Variants in JAM2 observed in about 807,000 individuals in gnomAD.
JAM2 encodes junctional adhesion molecule 2, also known as junctional adhesion molecule B.
A neutral mutation model predicts 42.0 loss-of-function variants in JAM2; 17 were observed. The ratio of observed to expected loss-of-function variants is 0.40; its 90% CI spans 0.28 to 0.61. The LOEUF (loss-of-function observed/expected upper bound fraction) is 0.61, where lower values mean the gene tolerates loss of function less well. JAM2 is among the 20% of genes least tolerant of loss of function. The pLI is 0.37. For synonymous variants in JAM2, 118 were observed against 128.6 expected (o/e 0.92, Z 0.56); for missense variants, 319 against 358.3 (o/e 0.89, Z 0.89).
chr21:25,685,457 T>A (rs956947778), intron 2 of JAM2, among the ~76,000 whole-genome samples: 1 of 139,570 alleles, frequency 7.2e-6, no homozygotes, highest in African/African-American at 2.8e-5. Context: ...TGCAGGAGTT[T>A]GAGGCTGCAG....
Position 25,693,825 on chromosome 21 carries a change from C to T in JAM2, c.311C>T (p.Ala104Val), listed in dbSNP as rs369585750. Residue 104 changes from alanine to valine, a missense_variant, in exon 4 of 10, where the codon GCG (alanine) becomes GTG (valine). Physicochemically the swap from Ala to Val is moderately conservative, Grantham distance 64. Coordinates refer to ENST00000480456, the MANE Select transcript of JAM2 (RefSeq NM_021219.4). ...IRIKNVTRSD[A>V]GKYRCEVSAP... ...ATCAAAAATGTGACAAGAAGTGATG[C>T]GGGGAAATATCGTTGTGAAGTTAGT... The T allele has an allele frequency of 5.9e-5, 95 of 1,613,808 alleles. No individual in the cohort carries two copies. The highest frequency in any genetic ancestry group is 4.1e-4 in the African/African-American group (31 of 74,990).
rs35684752 is a variant in JAM2, at chr21:25,666,315, T to TTTATTATTATTATTATTATTATTATTA, written c.68-17542_68-17541insATTATTATTATTATTATTATTATTATT. ...TTTTAAAAATTACATTGTTACGGCT[T>TTTATTATTATTATTATTATTATTATTA]TTATTATTATTATTATTATTATTAT... On this transcript the variant is annotated intron_variant, in intron 1 of 9. Coordinates refer to ENST00000480456, the MANE Select transcript of JAM2 (RefSeq NM_021219.4). 6.9e-3 allele frequency among the ~76,000 whole-genome samples: 1,017 copies of TTTATTATTATTATTATTATTATTATTA among 146,594 alleles called. 5 individuals carry two copies. Among genetic ancestry groups the TTTATTATTATTATTATTATTATTATTA allele is most frequent in the South Asian group, 0.014 (63 of 4,560 alleles).
At chr21:25,654,794 T>C (rs2032884549) in intron 1 of JAM2, among the ~76,000 whole-genome samples, 1 of 152,086 alleles carries the variant, frequency 6.6e-6, no homozygotes, top group South Asian at 2.1e-4. Flanking sequence ...GATGCACAAA[T>C]TAAATGACAC....
rs756478013 is a variant in JAM2, at chr21:25,714,706, T to C, written c.*34T>C. The C allele has an allele frequency of 7.2e-7, 1 of 1,387,036 alleles. No homozygotes were observed. Among genetic ancestry groups the C allele is most frequent in the Non-Finnish European group, 9.7e-7 (1 of 1,027,058 alleles). The allele number at this position is 1,387,036 out of a possible 1,614,324, so 85.9% of individuals were successfully genotyped here. ...CTTTAGAGATACACCAAAGCCACCG[T>C]TGTTACACAAGTTATTAAACTATTA... On this transcript the variant is annotated 3_prime_UTR_variant, in exon 10 of 10. Coordinates refer to ENST00000480456, the MANE Select transcript of JAM2 (RefSeq NM_021219.4).
intron 1 of JAM2, among the ~76,000 whole-genome samples, chr21:25,644,753 A>C (rs1416630801): frequency 1.3e-5 from 2 of 152,256 alleles, no homozygotes; most frequent in African/African-American, 4.8e-5. Flanking sequence ...GGTTATGCAC[A>C]GCGACAGTGT....
intron 2 of JAM2, among the ~76,000 whole-genome samples, chr21:25,685,084 C>T (rs2033720001): frequency 1.3e-5 from 2 of 152,032 alleles, no homozygotes; most frequent in South Asian, 4.1e-4. Flanking sequence ...TCAGGTATGT[C>T]TTAGGTTCCT....
At chr21:25,651,588 T>C (rs1033314467) in intron 1 of JAM2, among the ~76,000 whole-genome samples, 3 of 152,220 alleles carry the variant, frequency 2.0e-5, no homozygotes, top group African/African-American at 7.2e-5. Flanking sequence ...AAATTCTATA[T>C]TTGCCCTTTG....
chr21:25,696,191 G>C (rs899205187), intron 4 of JAM2, among the ~76,000 whole-genome samples: 77 of 152,342 alleles, frequency 5.1e-4, no homozygotes, highest in Non-Finnish European at 1.8e-4. Context: ...CTGGAGACCA[G>C]CCTGGCCAAC....
intron 1 of JAM2, among the ~76,000 whole-genome samples, chr21:25,659,460 T>G (rs1179054301): frequency 6.6e-6 from 1 of 152,212 alleles, no homozygotes; most frequent in Non-Finnish European, 1.5e-5. Flanking sequence ...GCTGATTTCT[T>G]TGGTGCCATT....
intron 1 of JAM2, among the ~76,000 whole-genome samples, chr21:25,651,957 C>T (rs2032794744): frequency 6.6e-6 from 1 of 152,148 alleles, no homozygotes; most frequent in African/African-American, 2.4e-5. Flanking sequence ...ATAGGTAGAA[C>T]AGGAATGGAA....
At chr21:25,698,338 G>C (rs1420024616) in intron 4 of JAM2, among the ~76,000 whole-genome samples, 1 of 152,206 alleles carries the variant, frequency 6.6e-6, no homozygotes, top group Non-Finnish European at 1.5e-5. Context: ...GTAGTTGCAG[G>C]GGGTGGAGGA....
rs948762689 is a variant in JAM2, at chr21:25,639,486, G to A, written c.-336G>A. 3 of 248,722 alleles carry A rather than the reference G, an allele frequency of 1.2e-5. No individual in the cohort carries two copies. The South Asian group carries it at 4.8e-4, about 40-fold the overall frequency. The allele number at this position is 248,722 out of a possible 1,614,324, so 15.4% of individuals were successfully genotyped here. Reference sequence around the variant, plus strand: ...GTGGGGGCGGAGGGACGACCCGCCGGGGCTTTCCCGGGCGCTGCTCTCCTC... The same window carrying A: ...GTGGGGGCGGAGGGACGACCCGCCGAGGCTTTCCCGGGCGCTGCTCTCCTC... On this transcript the variant is annotated 5_prime_UTR_variant, in exon 1 of 10. Coordinates refer to ENST00000480456, the MANE Select transcript of JAM2 (RefSeq NM_021219.4).
At chr21:25,693,630 C>A in intron 3 of JAM2, 126 bp from the exon 4 acceptor site, 1 of 807,378 alleles carries the variant, frequency 1.2e-6, no homozygotes, top group Non-Finnish European at 1.9e-6. Context: ...AACTTTTAGG[C>A]TTTAAACTTG....
intron 1 of JAM2, among the ~76,000 whole-genome samples, chr21:25,665,614 C>T (rs2123339325): frequency 6.6e-6 from 1 of 152,276 alleles, no homozygotes; most frequent in African/African-American, 2.4e-5. Context: ...GGCTGCAGTT[C>T]AAGTCCAAAG....
chr21:25,686,593 A>C (rs938255450), intron 2 of JAM2, among the ~76,000 whole-genome samples: 3 of 152,250 alleles, frequency 2.0e-5, no homozygotes, highest in African/African-American at 7.2e-5. Flanking sequence ...GACTGAAATC[A>C]GGGCAGCTCT....
At chr21:25,650,637 T>C (rs1421733038) in intron 1 of JAM2, among the ~76,000 whole-genome samples, 1 of 152,240 alleles carries the variant, frequency 6.6e-6, no homozygotes, top group Non-Finnish European at 1.5e-5. Flanking sequence ...TATCAACATA[T>C]TAATCATAAA....
chr21:25,695,676 C>T (rs2033999177), intron 4 of JAM2, among the ~76,000 whole-genome samples: 1 of 149,348 alleles, frequency 6.7e-6, no homozygotes, highest in South Asian at 2.1e-4. Context: ...CGGGGCGGGG[C>T]GGCTGCCGGG....
intron 4 of JAM2, among the ~76,000 whole-genome samples, chr21:25,697,082 A>G (rs1290673031): frequency 6.7e-6 from 1 of 150,154 alleles, no homozygotes; most frequent in African/African-American, 2.5e-5. Flanking sequence ...CGTCCTCAAG[A>G]GATCCTCCTG....
intron 4 of JAM2, among the ~76,000 whole-genome samples, 159 bp from the exon 5 acceptor site, chr21:25,698,518 G>A (rs1296167274): frequency 1.3e-5 from 2 of 152,148 alleles, no homozygotes; most frequent in Non-Finnish European, 2.9e-5. Flanking sequence ...TGGGTTTGTT[G>A]GACAAGTAAG....
Sources: allele counts gnomAD v4.1 joint callset (sites outside exome capture counted in the v4.1 genomes callset), GRCh38; gene constraint gnomAD v4.1.1; transcripts MANE v1.5; gene names NCBI Gene and HGNC (gene_info 2026-07-23, HGNC 2026-07-21).